WNT2: variants seen among roughly 807,000 people sequenced by gnomAD.
WNT2 encodes Wnt family member 2, also known as protein Wnt-2.
WNT2 carries 12 observed loss-of-function variants against 36.9 expected under a neutral mutation model. That is an observed-to-expected ratio of 0.33 (90% CI 0.21 to 0.53). The LOEUF is 0.53. Ranked by LOEUF, WNT2 falls within the 20% of genes least tolerant of loss-of-function variation. The probability of loss-of-function intolerance (pLI) is 0.95; values close to 1 mark genes in which losing one functional copy is unlikely to be tolerated. For missense variants in WNT2, 379 were observed against 473.1 expected (o/e 0.80, Z 1.84); for synonymous variants, 163 against 174.6 (o/e 0.93, Z 0.52).
chr7:117,289,077 T>TTTTTG (rs1794638486), intron 4 of WNT2, among the ~76,000 whole-genome samples: 1 of 144,570 alleles, frequency 6.9e-6, no homozygotes, highest in African/African-American at 2.6e-5. Flanking sequence ...TTTTTTTTTT[T>TTTTTG]GAGACAGAGT....
Position 117,320,750 on chromosome 7 carries a change from T to C in WNT2, c.127A>G (p.Asn43Asp). 6.2e-7 allele frequency: 1 copy of C among 1,613,614 alleles called. No homozygotes were observed. Among genetic ancestry groups the C allele is most frequent in the Non-Finnish European group, 8.5e-7 (1 of 1,179,978 alleles). ...TGGSSRVMCD[N>D]VPGLVSSQRQ... Reference sequence around the variant, plus strand: ...TGGCTGCTCACCAGGCCTGGCACATTATCGCACATCACCCTGGAGGAGCCA... The same window carrying C: ...TGGCTGCTCACCAGGCCTGGCACATCATCGCACATCACCCTGGAGGAGCCA... Residue 43 changes from asparagine (N) to aspartate (D), a missense_variant, in exon 2 of 5, where the codon AAT (asparagine) becomes GAT (aspartate). Coordinates refer to ENST00000265441, the MANE Select transcript of WNT2 (RefSeq NM_003391.3).
intron 3 of WNT2, among the ~76,000 whole-genome samples, chr7:117,299,929 AC>A (rs1242781127): frequency 1.3e-5 from 2 of 152,222 alleles, no homozygotes; most frequent in African/African-American, 4.8e-5. Flanking sequence ...CCTTAAAAAA[AC>A]ATGTGGTGGT....
intron 4 of WNT2, among the ~76,000 whole-genome samples, chr7:117,294,081 G>A (rs1794742172): frequency 6.6e-6 from 1 of 152,056 alleles, no homozygotes; most frequent in Admixed American, 6.6e-5. Context: ...TTATTTTTTA[G>A]AGATGGGGTC....
In WNT2 at chr7:117,297,836, C is replaced by T; in HGVS notation, c.629G>A (p.Gly210Glu). The change falls in exon 4 of 5, where the codon GGG becomes GAG. Residue 210 changes from glycine (G) to glutamate (E), a missense_variant. By Grantham distance (98) the Gly-to-Glu change is moderately conservative. Transcript: ENST00000265441. ...CCTGAGAGTACATGAGCCGCTCACCCCGTGGCACTTGCACTCTTGTTTCAA... is the reference window on the plus strand; with the variant it reads ...CCTGAGAGTACATGAGCCGCTCACCTCGTGGCACTTGCACTCTTGTTTCAA... ...RFLKQECKCH[G>E]VSGSCTLRTC... 4 of 1,613,980 alleles carry T rather than the reference C, an allele frequency of 2.5e-6. No homozygotes were observed. The highest frequency in any genetic ancestry group is 3.4e-6 in the Non-Finnish European group (4 of 1,179,870).
At chr7:117,283,311 T>C (rs1218223804) in intron 4 of WNT2, among the ~76,000 whole-genome samples, 1 of 152,224 alleles carries the variant, frequency 6.6e-6, no homozygotes, top group East Asian at 1.9e-4. Context: ...TTTTTACTTT[T>C]TTGTTATTGT....
At chr7:117,280,694 T>A (rs898822761) in intron 4 of WNT2, among the ~76,000 whole-genome samples, 9 of 152,224 alleles carry the variant, frequency 5.9e-5, no homozygotes, top group Non-Finnish European at 1.0e-4. Context: ...CTTAAACTTG[T>A]TAAGCTTCAG....
chr7:117,293,684 G>A (rs530768833), intron 4 of WNT2, among the ~76,000 whole-genome samples: 47 of 152,150 alleles, frequency 3.1e-4, no homozygotes, highest in African/African-American at 1.0e-3. Context: ...TTTTGAACAC[G>A]TGAGAGTTCC....
intron 3 of WNT2, among the ~76,000 whole-genome samples, chr7:117,303,367 A>G (rs964264030): frequency 3.3e-5 from 5 of 152,232 alleles, no homozygotes; most frequent in African/African-American, 1.2e-4. Context: ...TCAGAATCTC[A>G]AGGAAAATGT....
chr7:117,320,720 G>A lies in WNT2; in HGVS notation c.157C>T (p.Gln53Ter), dbSNP rs151043698. 2 of 1,613,928 alleles carry A rather than the reference G, an allele frequency of 1.2e-6. No individual in the cohort carries two copies. The highest frequency in any genetic ancestry group is 1.7e-6 in the Non-Finnish European group (2 of 1,179,992). Reference sequence around the variant, plus strand: ...ACATCTGGATGTCGGTGACACAGCTGCCGCTGGCTGCTCACCAGGCCTGGC... The same window carrying A: ...ACATCTGGATGTCGGTGACACAGCTACCGCTGGCTGCTCACCAGGCCTGGC... Reference protein sequence around the residue: ...NVPGLVSSQRQLCHRHPDVMR... With the variant: ...NVPGLVSSQR The change falls in exon 2 of 5, where the codon CAG (glutamine) becomes TAG (stop). Residue 53 changes from glutamine to a stop codon, truncating the protein, a stop_gained. Coordinates refer to ENST00000265441, the MANE Select transcript of WNT2 (RefSeq NM_003391.3). LOFTEE classifies it high-confidence loss of function.
chr7:117,281,547 CT>C (rs1794489584), intron 4 of WNT2, among the ~76,000 whole-genome samples: 2 of 152,116 alleles, frequency 1.3e-5, no homozygotes, highest in South Asian at 4.1e-4. Flanking sequence ...CCTAAAGGGT[CT>C]TTATGCCATG....
intron 4 of WNT2, among the ~76,000 whole-genome samples, chr7:117,279,987 T>C (rs1794453164): frequency 6.6e-6 from 1 of 152,034 alleles, no homozygotes; most frequent in Non-Finnish European, 1.5e-5. Context: ...TCTACAGAAA[T>C]GTCATGTTGC....
chr7:117,305,229 A>C (rs930911370), intron 3 of WNT2, among the ~76,000 whole-genome samples: 1 of 152,166 alleles, frequency 6.6e-6, no homozygotes, highest in Non-Finnish European at 1.5e-5. Flanking sequence ...TTTCAAACTC[A>C]AGTGGAAAAG....
intron 3 of WNT2, 81 bp from the exon 4 acceptor site, chr7:117,297,957 C>T: frequency 6.7e-7 from 1 of 1,495,264 alleles, no homozygotes. Context: ...CCCAGCAATC[C>T]AGAAGTGATT....
chr7:117,310,224 C>T (rs1795094712), intron 3 of WNT2, among the ~76,000 whole-genome samples: 1 of 152,108 alleles, frequency 6.6e-6, no homozygotes, highest in Non-Finnish European at 1.5e-5. Flanking sequence ...TGTTCAATGC[C>T]TTCCTCTTGC....
At chr7:117,312,784 T>C (rs907939024) in intron 3 of WNT2, among the ~76,000 whole-genome samples, 2 of 152,200 alleles carry the variant, frequency 1.3e-5, no homozygotes, top group Non-Finnish European at 2.9e-5. Flanking sequence ...CAGAGACACA[T>C]GAGGGTGCTC....
intron 4 of WNT2, among the ~76,000 whole-genome samples, chr7:117,281,698 T>C (rs1276406545): frequency 2.6e-5 from 4 of 151,896 alleles, no homozygotes; most frequent in Non-Finnish European, 4.4e-5. Flanking sequence ...ACAAGAGATA[T>C]TGCGTGAAGA....
intron 1 of WNT2, 48 bp from the exon 2 acceptor site, chr7:117,320,841 G>A (rs1437852962): frequency 2.8e-5 from 43 of 1,524,152 alleles, no homozygotes; most frequent in Non-Finnish European, 3.7e-5. Context: ...TGAACAGGGA[G>A]GCCTGGCTCA....
intron 2 of WNT2, 60 bp downstream of exon 2, chr7:117,320,507 G>C: frequency 3.4e-6 from 5 of 1,484,050 alleles, no homozygotes; most frequent in Non-Finnish European, 4.6e-6. Flanking sequence ...TTTGAAGATG[G>C]AGTGAGGGAG....
chr7:117,320,501 A>G, intron 2 of WNT2, 66 bp downstream of exon 2: 6 of 1,459,128 alleles, frequency 4.1e-6, no homozygotes, highest in Non-Finnish European at 5.7e-6. Flanking sequence ...AGGGTCTTTG[A>G]AGATGGAGTG....
Sources: allele counts gnomAD v4.1 joint callset (sites outside exome capture counted in the v4.1 genomes callset), GRCh38; gene constraint gnomAD v4.1.1; transcripts MANE v1.5; gene names NCBI Gene and HGNC (gene_info 2026-07-23, HGNC 2026-07-21).